Variants in SGTB observed in about 807,000 individuals in gnomAD.
SGTB encodes small glutamine rich tetratricopeptide repeat co-chaperone beta, also known as small glutamine-rich tetratricopeptide repeat-containing protein beta.
SGTB carries 19 observed loss-of-function variants against 43.9 expected under a neutral mutation model. The observed-to-expected ratio is 0.43, with a 90% CI of 0.30 to 0.63. SGTB has a LOEUF of 0.63. Among genes scored for constraint, SGTB ranks in the 30% least tolerant of loss-of-function variants. SGTB has a pLI of 0.12. For synonymous variants in SGTB, 116 were observed against 117.3 expected, an observed-to-expected ratio of 0.99 and a Z score of 0.07; for missense variants, 304 against 358.9, an observed-to-expected ratio of 0.85 and a Z score of 1.24.
chr5:65,714,188 G>A (rs781779494), intron 2 of SGTB, among the ~76,000 whole-genome samples: 2 of 152,076 alleles, frequency 1.3e-5, no homozygotes, highest in Non-Finnish European at 2.9e-5. Flanking sequence ...CAGCACATAG[G>A]AAGAAGCACT....
chr5:65,671,285 AT>A (rs1230111515), intron 10 of SGTB, among the ~76,000 whole-genome samples: 1 of 152,108 alleles, frequency 6.6e-6, no homozygotes, highest in East Asian at 1.9e-4. Context: ...TGGACATATG[AT>A]TTTTACTGTT....
At chr5:65,704,065 TA>T (rs1757882107) in intron 5 of SGTB, among the ~76,000 whole-genome samples, 1 of 150,636 alleles carries the variant, frequency 6.6e-6, no homozygotes, top group Non-Finnish European at 1.5e-5. Flanking sequence ...AATAAATAAA[TA>T]AATAAATAAA....
chr5:65,681,171 T>C (rs1442208103), intron 6 of SGTB, among the ~76,000 whole-genome samples: 1 of 152,178 alleles, frequency 6.6e-6, no homozygotes, highest in African/African-American at 2.4e-5. Context: ...GCTAACACCA[T>C]TTTTAAGGAC....
intron 7 of SGTB, 32 bp from the exon 8 acceptor site, chr5:65,680,588 A>C: frequency 6.2e-7 from 1 of 1,613,986 alleles, no homozygotes; most frequent in East Asian, 2.2e-5. Context: ...GAATCAGTCC[A>C]GTATCTACAA....
intron 4 of SGTB, 150 bp from the exon 5 acceptor site, chr5:65,704,528 T>C: frequency 2.1e-6 from 1 of 468,478 alleles, no homozygotes; most frequent in Non-Finnish European, 3.7e-6. Context: ...TACATTGTAC[T>C]ATAGAGTTGA....
At chr5:65,684,786 C>T (rs982887731) in intron 6 of SGTB, among the ~76,000 whole-genome samples, 21 of 152,126 alleles carry the variant, frequency 1.4e-4, no homozygotes, top group Non-Finnish European at 2.5e-4. Context: ...CTCCTGACCT[C>T]AAGTGATCTG....
intron 4 of SGTB, among the ~76,000 whole-genome samples, chr5:65,706,842 C>A (rs552031434): frequency 6.6e-6 from 1 of 151,596 alleles, no homozygotes; most frequent in Non-Finnish European, 1.5e-5. Context: ...AAAAAAGGAA[C>A]AAAGTAGCAA....
upstream of SGTB, chr5:65,722,903 C>CT (rs1303294898): frequency 6.5e-6 from 1 of 153,502 alleles, no homozygotes; most frequent in Non-Finnish European, 1.5e-5. Context: ...CTCTGACTTC[C>CT]TTTTTTATTT....
At chr5:65,692,411 C>T (rs758238517) in intron 5 of SGTB, among the ~76,000 whole-genome samples, 1 of 152,092 alleles carries the variant, frequency 6.6e-6, no homozygotes, top group Middle Eastern at 3.2e-3. Context: ...CTTAGAGTCA[C>T]CAGTAATGGG....
In SGTB at chr5:65,667,476, C is replaced by T. The variant is rs138600357; in HGVS notation, c.*2770G>A. The T allele has an allele frequency of 4.6e-5, 7 of 152,254 alleles. No individual in the cohort carries two copies. The East Asian group carries it at 1.3e-3, about 29-fold the overall frequency. 9.4% of individuals were successfully genotyped at this position (152,254 alleles called of 1,614,324 possible). ...CTTCTATGTGTTAGTAGTAGTACTT[C>T]GTTCTGTGTAATACTGGAATACTAG... is the stretch of plus-strand genomic sequence containing the variant. On this transcript the variant is annotated 3_prime_UTR_variant, in exon 11 of 11. Transcript: ENST00000381007.
At chr5:65,713,157 C>A in intron 2 of SGTB, 93 bp from the exon 3 acceptor site, 1 of 868,904 alleles carries the variant, frequency 1.2e-6, no homozygotes, top group Non-Finnish European at 1.8e-6. Flanking sequence ...TATGGAAATT[C>A]AGTATTTATG....
At position 65,700,662 on chromosome 5, in the gene SGTB, C is replaced by A. The variant is rs190607072; in HGVS notation, c.374+3617G>T. Among the ~76,000 whole-genome samples the A allele has an allele frequency of 4.1e-3, 523 of 126,234 alleles. 1 individual carries two copies. The highest frequency in any genetic ancestry group is 6.7e-3 in the Non-Finnish European group (416 of 62,422). The allele number at this position is 126,234 out of a possible 152,430, so 82.8% of individuals were successfully genotyped here. On this transcript the variant is annotated intron_variant, in intron 5 of 10. Transcript: ENST00000381007. Reference sequence around the variant, plus strand: ...CGCCACTGCACTCCAGCCTGGGCGACAGAGTGAGACTCTGTCTCCCAAAAA... The same window carrying A: ...CGCCACTGCACTCCAGCCTGGGCGAAAGAGTGAGACTCTGTCTCCCAAAAA...
intron 2 of SGTB, among the ~76,000 whole-genome samples, chr5:65,715,956 G>A (rs1274623106): frequency 6.6e-6 from 1 of 152,218 alleles, no homozygotes; most frequent in Non-Finnish European, 1.5e-5. Flanking sequence ...TTTTAGTAGA[G>A]AGGGAGTTTC....
In SGTB at chr5:65,706,604, G is replaced by A. The variant is rs527628233; in HGVS notation, c.274+1885C>T. Among the ~76,000 whole-genome samples, 294 of 152,304 alleles carry A rather than the reference G, an allele frequency of 1.9e-3. 1 individual carries two copies. The highest frequency in any genetic ancestry group is 6.8e-3 in the Middle Eastern group (2 of 294). On this transcript the variant is annotated intron_variant, in intron 4 of 10. Coordinates refer to ENST00000381007, the MANE Select transcript of SGTB (RefSeq NM_019072.3). The stretch of plus-strand genomic sequence containing the variant: ...CCTGGCACTTTGGGAGGCCGAGGTG[G>A]GTGGATCACCTGAGGTCAGGAGTTT...
At chr5:65,709,789 C>T (rs1758010778) in intron 3 of SGTB, among the ~76,000 whole-genome samples, 1 of 152,110 alleles carries the variant, frequency 6.6e-6, no homozygotes. Flanking sequence ...TGTATAGAGA[C>T]AGGGTCTCCC....
At chr5:65,721,827 C>T (rs1222670334) in intron 1 of SGTB, 90 bp downstream of exon 1, 1 of 152,494 alleles carries the variant, frequency 6.6e-6, no homozygotes, top group Non-Finnish European at 1.5e-5. Flanking sequence ...CCGGCCTCGC[C>T]TCGGCCCTGC....
At chr5:65,709,187 T>C (rs1349989547) in intron 3 of SGTB, among the ~76,000 whole-genome samples, 1 of 152,194 alleles carries the variant, frequency 6.6e-6, no homozygotes, top group African/African-American at 2.4e-5. Context: ...GGATTGTTTA[T>C]ATTAGTGAAA....
At chr5:65,705,257 A>G (rs896043014) in intron 4 of SGTB, among the ~76,000 whole-genome samples, 2 of 135,926 alleles carry the variant, frequency 1.5e-5, no homozygotes, top group Non-Finnish European at 3.3e-5. Flanking sequence ...AGCCTGGGCA[A>G]TATAGTGGGA....
At chr5:65,698,599 A>G (rs955528224) in intron 5 of SGTB, among the ~76,000 whole-genome samples, 21 of 152,200 alleles carry the variant, frequency 1.4e-4, no homozygotes, top group Admixed American at 2.6e-4. Flanking sequence ...TAAACAGACA[A>G]CCCACAGAAT....
Sources: allele counts gnomAD v4.1 joint callset (sites outside exome capture counted in the v4.1 genomes callset), GRCh38; gene constraint gnomAD v4.1.1; transcripts MANE v1.5; gene names NCBI Gene and HGNC (gene_info 2026-07-23, HGNC 2026-07-21).